FBXO42: variants seen among roughly 807,000 people sequenced by gnomAD.
FBXO42 encodes the protein F-box protein 42.
FBXO42 carries 12 observed loss-of-function variants against 71.7 expected under a neutral mutation model. That is an observed-to-expected ratio of 0.17 (90% CI 0.11 to 0.27). The LOEUF (loss-of-function observed/expected upper bound fraction) is 0.27. Among genes scored for constraint, FBXO42 ranks in the 10% least tolerant of loss-of-function variants. FBXO42 has a pLI of 1.00. For synonymous variants in FBXO42, 325 were observed against 327.5 expected, an observed-to-expected ratio of 0.99 and a Z score of 0.08; for missense variants, 707 against 911.9, an observed-to-expected ratio of 0.78 and a Z score of 2.89.
Position 16,249,081 on chromosome 1 carries a change from G to A in FBXO42, c.*1589C>T, listed in dbSNP as rs1236752618. 1.3e-5 allele frequency: 2 copies of A among 152,234 alleles called. No individual in the cohort carries two copies. The highest frequency in any genetic ancestry group is 4.8e-5 in the African/African-American group (2 of 41,462). 9.4% of individuals were successfully genotyped at this position (152,234 alleles called of 1,614,324 possible). A position where few individuals can be genotyped will look rare whatever the true frequency, so the allele number is the denominator to read the frequency against. On this transcript the variant is annotated 3_prime_UTR_variant, in exon 10 of 10. Transcript: ENST00000375592. The stretch of plus-strand genomic sequence containing the variant: ...AAAAAGAGGAGTGTCAGGGTGGCAA[G>A]GTGATGTTTTGAAATTAGGATTTAA...
At chr1:16,352,069 G>C (rs76697647) in intron 1 of FBXO42, among the ~76,000 whole-genome samples, 186 bp downstream of exon 1, 50,074 of 152,046 alleles carry the variant, frequency 0.33, 8,667 homozygotes, top group African/African-American at 0.38. Context: ...GAAAGGAGCT[G>C]TCCTCCTCCT....
intron 1 of FBXO42, among the ~76,000 whole-genome samples, chr1:16,335,869 C>CAAA (rs59693692): frequency 5.9e-5 from 5 of 84,426 alleles, no homozygotes; most frequent in Admixed American, 1.3e-4. Flanking sequence ...TCCATCGCGC[C>CAAA]AAAAAAAAAA....
At position 16,342,358 on chromosome 1, in the gene FBXO42, T is replaced by C. The variant is rs141553484; in HGVS notation, c.-18+9897A>G. ...TTGCGGTGAGCCGAGATCACGCCATTGCACTCCAGCCTGGGCAAGAAGAGC... is the reference window on the plus strand; with the variant it reads ...TTGCGGTGAGCCGAGATCACGCCATCGCACTCCAGCCTGGGCAAGAAGAGC... On this transcript the variant is annotated intron_variant, in intron 1 of 9. Coordinates refer to ENST00000375592, the MANE Select transcript of FBXO42 (RefSeq NM_018994.3). Among the ~76,000 whole-genome samples, 975 of 146,356 alleles carry C rather than the reference T, an allele frequency of 6.7e-3. 15 individuals are homozygous for C. The highest frequency in any genetic ancestry group is 0.024 in the African/African-American group (927 of 38,702).
intron 4 of FBXO42, among the ~76,000 whole-genome samples, chr1:16,279,303 C>G (rs2081936141): frequency 6.6e-6 from 1 of 152,122 alleles, no homozygotes; most frequent in South Asian, 2.1e-4. Flanking sequence ...GAGCTTCTAA[C>G]TCTGGATAGC....
intron 3 of FBXO42, among the ~76,000 whole-genome samples, chr1:16,300,287 T>C (rs1323203945): frequency 6.6e-6 from 1 of 152,170 alleles, no homozygotes; most frequent in African/African-American, 2.4e-5. Flanking sequence ...TTTTCTGAAA[T>C]GGGCTTAGTT....
intron 1 of FBXO42, among the ~76,000 whole-genome samples, chr1:16,336,946 T>C (rs1488037846): frequency 3.3e-5 from 5 of 152,078 alleles, no homozygotes; most frequent in Non-Finnish European, 5.9e-5. Flanking sequence ...GATCATGCCA[T>C]TGCACTCTAG....
At chr1:16,343,998 C>CT (rs1246519066) in intron 1 of FBXO42, among the ~76,000 whole-genome samples, 1 of 150,254 alleles carries the variant, frequency 6.7e-6, no homozygotes, top group African/African-American at 2.4e-5. Context: ...GCAAAGGGAT[C>CT]TTTTTTTTAT....
intron 4 of FBXO42, among the ~76,000 whole-genome samples, chr1:16,270,090 A>C (rs1412392060): frequency 6.6e-6 from 1 of 152,086 alleles, no homozygotes; most frequent in Non-Finnish European, 1.5e-5. Context: ...TCCTGAGCTC[A>C]AGTGATCAGC....
Position 16,250,474 on chromosome 1 carries a change from A to AATATATAT in FBXO42, c.*188_*195dup, listed in dbSNP as rs527475077. ...TTTTTGTCAACAGAGTTGGCTATAT[A>AATATATAT]ATATATATATATATATTTATATATA... On this transcript the variant is annotated 3_prime_UTR_variant, in exon 10 of 10. Transcript: ENST00000375592. This position sits in a 1 kb window ranked among gnomAD's most constrained non-coding sequence, Gnocchi z 4.7. The AATATATAT allele has an allele frequency of 1.1e-4, 18 of 167,990 alleles. No individual in the cohort carries two copies. Among genetic ancestry groups the AATATATAT allele is most frequent in the African/African-American group, 4.4e-4 (18 of 40,866 alleles). 10.4% of individuals were successfully genotyped at this position (167,990 alleles called of 1,614,324 possible). A position where few individuals can be genotyped will look rare whatever the true frequency, so the allele number is the denominator to read the frequency against.
intron 2 of FBXO42, 76 bp downstream of exon 2, chr1:16,315,093 A>G: frequency 6.6e-7 from 1 of 1,504,240 alleles, no homozygotes; most frequent in East Asian, 2.3e-5. Context: ...GGGAGGAAAA[A>G]AACTAAATTT....
chr1:16,305,881 C>A lies in FBXO42; in HGVS notation c.289G>T (p.Val97Phe). 2 of 1,614,152 alleles carry A rather than the reference C, an allele frequency of 1.2e-6. No individual in the cohort carries two copies. The highest frequency in any genetic ancestry group is 1.7e-6 in the Non-Finnish European group (2 of 1,180,014). Residue 97 changes from valine to phenylalanine, a missense_variant, in exon 3 of 10, where the codon GTC (valine) becomes TTC (phenylalanine). By Grantham distance (50) the Val-to-Phe change is conservative. Around this residue, in one of 5 missense-constraint regions of FBXO42, gnomAD observed 188 missense variants for 230.5 expected, o/e 0.82. Transcript: ENST00000375592. ...HQCYHGFMKA[V>F]QEGNIQWESR... ...TCCCACTGAATGTTTCCTTCCTGGA[C>A]AGCCTTCATGAAACCATGATAACAC...
chr1:16,323,759 CAA>C (rs1323142059), intron 1 of FBXO42, among the ~76,000 whole-genome samples: 2 of 124,538 alleles, frequency 1.6e-5, no homozygotes, highest in East Asian at 4.9e-4. Flanking sequence ...CACTGCACTC[CAA>C]GGTGGGTGAG....
chr1:16,294,045 C>T (rs55691657), intron 4 of FBXO42: 1 of 152,188 alleles, frequency 6.6e-6, no homozygotes, highest in Non-Finnish European at 1.5e-5. Context: ...AGACTGAGTC[C>T]TAATACTAAA....
At chr1:16,337,499 A>G (rs2082561960) in intron 1 of FBXO42, among the ~76,000 whole-genome samples, 1 of 152,202 alleles carries the variant, frequency 6.6e-6, no homozygotes, top group African/African-American at 2.4e-5. Context: ...ACACAGAACC[A>G]GATTTGAACC....
At chr1:16,253,767 G>A in intron 6 of FBXO42, 36 bp from the exon 7 acceptor site, 1 of 1,593,014 alleles carries the variant, frequency 6.3e-7, no homozygotes, top group Non-Finnish European at 8.6e-7. Flanking sequence ...AGGTAGTTAG[G>A]AGCTCCCAGG....
At position 16,279,854 on chromosome 1, in the gene FBXO42, C is replaced by CTTTTTTTTTTTTTTT. The variant is rs1553151074; in HGVS notation, c.502+14928_502+14929insAAAAAAAAAAAAAAA. On this transcript the variant is annotated intron_variant, in intron 4 of 9. Coordinates refer to ENST00000375592, the MANE Select transcript of FBXO42 (RefSeq NM_018994.3). The stretch of plus-strand genomic sequence containing the variant: ...TCATGTTGACAATGGTTTTTTTTTT[C>CTTTTTTTTTTTTTTT]TTTTTTTTTTGAGACAGAGTCTTGC... Among the ~76,000 whole-genome samples the CTTTTTTTTTTTTTTT allele has an allele frequency of 3.6e-5, 5 of 138,168 alleles. 1 individual carries two copies. Among genetic ancestry groups the CTTTTTTTTTTTTTTT allele is most frequent in the African/African-American group, 1.4e-4 (5 of 36,488 alleles). 90.6% of individuals were successfully genotyped at this position (138,168 alleles called of 152,430 possible). A position where few individuals can be genotyped will look rare whatever the true frequency, so the allele number is the denominator to read the frequency against.
intron 4 of FBXO42, among the ~76,000 whole-genome samples, chr1:16,281,258 T>C (rs1049963375): frequency 2.6e-5 from 4 of 152,064 alleles, no homozygotes; most frequent in Non-Finnish European, 5.9e-5. Context: ...CGCAATGCCC[T>C]GCCTCGGTTT....
Position 16,249,223 on chromosome 1 carries a change from C to A in FBXO42, c.*1447G>T, listed in dbSNP as rs915217981. On this transcript the variant is annotated 3_prime_UTR_variant, in exon 10 of 10. Coordinates refer to ENST00000375592, the MANE Select transcript of FBXO42 (RefSeq NM_018994.3). ...AAACTTATTTTGACATCTCCTATGC[C>A]CAGGCCATGGTTGAGACTAGTAACT... is the stretch of plus-strand genomic sequence containing the variant. The A allele has an allele frequency of 6.6e-6, 1 of 152,152 alleles. No individual in the cohort carries two copies. The highest frequency in any genetic ancestry group is 2.4e-5 in the African/African-American group (1 of 41,422). 9.4% of individuals were successfully genotyped at this position (152,152 alleles called of 1,614,324 possible). A position where few individuals can be genotyped will look rare whatever the true frequency, so the allele number is the denominator to read the frequency against.
At chr1:16,292,728 C>A (rs79717067) in intron 4 of FBXO42, 2 of 152,156 alleles carry the variant, frequency 1.3e-5, no homozygotes, top group African/African-American at 4.8e-5. Context: ...CAAGAAAGAG[C>A]ACCACCCATG....
Sources: allele counts gnomAD v4.1 joint callset (sites outside exome capture counted in the v4.1 genomes callset), GRCh38; gene constraint gnomAD v4.1.1; regional missense constraint gnomAD v4.1.1; non-coding constraint Gnocchi (gnomAD v3.1); transcripts MANE v1.5; gene names NCBI Gene and HGNC (gene_info 2026-07-23, HGNC 2026-07-21).